The following EYS variants were observed in gnomAD, a reference collection of about 807,000 sequenced individuals.
EYS encodes EGF-like photoreceptor maintenance factor, also known as protein eyes shut homolog.
In EYS, 250 loss-of-function variants were observed where a neutral mutation model predicts 282.1. The ratio of observed to expected loss-of-function variants is 0.89; its 90% CI spans 0.80 to 0.98. The LOEUF is 0.98. Among genes scored for constraint, EYS ranks in the 50% least tolerant of loss-of-function variants. EYS has a pLI of 0.00. For synonymous variants in EYS, 1,355 were observed against 1,282.9 expected, an observed-to-expected ratio of 1.06 and a Z score of -1.20; for missense variants, 4,016 against 3,709.0, an observed-to-expected ratio of 1.08 and a Z score of -2.15.
At chr6:65,158,411 T>A (rs944641081) in intron 12 of EYS, among the ~76,000 whole-genome samples, 6 of 150,632 alleles carry the variant, frequency 4.0e-5, no homozygotes, top group African/African-American at 1.5e-4. Context: ...AGCTAAAGAG[T>A]TTTAAAATTA....
At chr6:64,045,381 A>C (rs1770569616) in intron 33 of EYS, among the ~76,000 whole-genome samples, 1 of 135,082 alleles carries the variant, frequency 7.4e-6, no homozygotes, top group Non-Finnish European at 1.7e-5. Flanking sequence ...TGGGTGAAAC[A>C]AGTTTATTTT....
At chr6:65,070,852 A>G (rs188545543) in intron 12 of EYS, among the ~76,000 whole-genome samples, 3 of 152,008 alleles carry the variant, frequency 2.0e-5, no homozygotes, top group African/African-American at 7.2e-5. Flanking sequence ...TTAATACTCT[A>G]TGCCCGGCAC....
At chr6:65,124,374 A>G (rs1775657612) in intron 12 of EYS, among the ~76,000 whole-genome samples, 1 of 152,126 alleles carries the variant, frequency 6.6e-6, no homozygotes, top group Admixed American at 6.5e-5. Flanking sequence ...CTGAAGCGAG[A>G]ATGTGATTTG....
intron 33 of EYS, among the ~76,000 whole-genome samples, chr6:64,023,629 C>T (rs1208940122): frequency 6.6e-6 from 1 of 152,208 alleles, no homozygotes; most frequent in African/African-American, 2.4e-5. Context: ...CAGTGTGCGC[C>T]CTCACTAGCT....
At chr6:64,203,922 C>T (rs1243769796) in intron 31 of EYS, among the ~76,000 whole-genome samples, 1 of 152,070 alleles carries the variant, frequency 6.6e-6, no homozygotes, top group East Asian at 1.9e-4. Flanking sequence ...TATATTGAAG[C>T]CATAGTGCCA....
chr6:63,925,674 C>T (rs1479447531), intron 35 of EYS, among the ~76,000 whole-genome samples: 4 of 152,178 alleles, frequency 2.6e-5, no homozygotes, highest in African/African-American at 9.6e-5. Flanking sequence ...GACAGAGTCT[C>T]GCTCTATAGC....
intron 1 of EYS, among the ~76,000 whole-genome samples, chr6:65,674,718 C>CA (rs1768515946): frequency 6.6e-6 from 1 of 151,774 alleles, no homozygotes; most frequent in Admixed American, 6.6e-5. Context: ...ACTTGCCTTA[C>CA]AAAAAATACT....
intron 19 of EYS, among the ~76,000 whole-genome samples, chr6:64,826,473 TC>T (rs1765059145): frequency 6.6e-6 from 1 of 151,664 alleles, no homozygotes; most frequent in Non-Finnish European, 1.5e-5. Flanking sequence ...TTTCCTATGA[TC>T]CCACTTATTT....
At chr6:64,510,823 A>C (rs1254781429) in intron 26 of EYS, among the ~76,000 whole-genome samples, 1 of 152,096 alleles carries the variant, frequency 6.6e-6, no homozygotes, top group African/African-American at 2.4e-5. Context: ...AGTAAAGATT[A>C]TCTCTAGAAT....
rs746939492 is a variant in EYS, at chr6:65,692,412, A to G, written c.-448+14723T>C. Among the ~76,000 whole-genome samples, 12 of 150,246 alleles carry G rather than the reference A, an allele frequency of 8.0e-5. 1 individual carries two copies. The highest frequency in any genetic ancestry group is 2.0e-4 in the Admixed American group (3 of 14,920). On this transcript the variant is annotated intron_variant, in intron 1 of 42. Transcript: ENST00000503581. ...TGCTCCCTAAAACTATAAAAATAAA[A>G]TTAAAAAGAAGCAGAATATGAAAAA...
In EYS at chr6:63,747,401, GC is replaced by G. The variant is rs539605186; in HGVS notation, c.8071+15059del. Among the ~76,000 whole-genome samples the G allele has an allele frequency of 1.8e-4, 27 of 152,332 alleles. No homozygotes were observed. The East Asian group carries it at 4.8e-3, about 27-fold the overall frequency. ...AATTTTAGAATAAATGCGATGTGGT[GC>G]TGAGAAGAATGTATATTCTGTTGAT... On this transcript the variant is annotated intron_variant, in intron 41 of 42. Coordinates refer to ENST00000503581, the MANE Select transcript of EYS (RefSeq NM_001142800.2).
intron 12 of EYS, among the ~76,000 whole-genome samples, chr6:65,141,163 C>CA (rs1418037835): frequency 4.6e-5 from 7 of 151,786 alleles, no homozygotes; most frequent in Non-Finnish European, 7.4e-5. Flanking sequence ...TATGCAGCCA[C>CA]AAAAAATGAT....
chr6:65,131,859 A>C (rs1320251434), intron 12 of EYS, among the ~76,000 whole-genome samples: 4 of 151,840 alleles, frequency 2.6e-5, no homozygotes, highest in Non-Finnish European at 5.9e-5. Flanking sequence ...GGTCCAAATA[A>C]ACACACTTAA....
rs534892169 is a variant in EYS at position 65,024,844 on chromosome 6, T to C, written c.2138-27141A>G. Among the ~76,000 whole-genome samples the C allele has an allele frequency of 2.0e-5, 3 of 152,316 alleles. No individual in the cohort carries two copies. In the East Asian group the frequency reaches 5.8e-4, roughly 29 times the overall value. ...TTAAATAACCGTGAAAAAGGTCAGCTATACCTCTAAGCTTTCACTGAGGAC... is the reference window on the plus strand; with the variant it reads ...TTAAATAACCGTGAAAAAGGTCAGCCATACCTCTAAGCTTTCACTGAGGAC... On this transcript the variant is annotated intron_variant, in intron 13 of 42. Coordinates refer to ENST00000503581, the MANE Select transcript of EYS (RefSeq NM_001142800.2).
intron 26 of EYS, among the ~76,000 whole-genome samples, chr6:64,480,011 C>T (rs1231118542): frequency 6.6e-6 from 1 of 151,868 alleles, no homozygotes; most frequent in African/African-American, 2.4e-5. Flanking sequence ...AAATCAGTCT[C>T]ATGAGTCCGT....
chr6:65,697,690 A>G (rs1769503554), intron 1 of EYS, among the ~76,000 whole-genome samples: 2 of 49,560 alleles, frequency 4.0e-5, no homozygotes, highest in South Asian at 1.0e-3. Context: ...AAAACAACTA[A>G]TCTAAATAGA....
intron 2 of EYS, among the ~76,000 whole-genome samples, chr6:65,600,900 T>C (rs568262442): frequency 5.9e-5 from 9 of 151,998 alleles, no homozygotes; most frequent in Non-Finnish European, 7.4e-5. Context: ...AAGCCGTCAG[T>C]ATATCTGTTT....
intron 30 of EYS, among the ~76,000 whole-genome samples, chr6:64,285,143 C>T (rs1028654175): frequency 3.6e-4 from 55 of 152,112 alleles, no homozygotes; most frequent in African/African-American, 1.3e-3. Context: ...CTCTGCTTCC[C>T]TTTTAAAACT....
At position 65,218,205 on chromosome 6, in the gene EYS, G is replaced by C. The variant is rs374054520; in HGVS notation, c.2023+77658C>G. Reference sequence around the variant, plus strand: ...GATAAATGAACATTAGATAGTATGGGGGATAGTTATAAAGCAGAAAGTGTT... The same window carrying C: ...GATAAATGAACATTAGATAGTATGGCGGATAGTTATAAAGCAGAAAGTGTT... On this transcript the variant is annotated intron_variant, in intron 12 of 42. Coordinates refer to ENST00000503581, the MANE Select transcript of EYS (RefSeq NM_001142800.2). 3.0e-3 allele frequency among the ~76,000 whole-genome samples: 450 copies of C among 152,104 alleles called. 3 individuals are homozygous for C. Among genetic ancestry groups the C allele is most frequent in the African/African-American group, 0.01 (426 of 41,512 alleles).
Sources: gnomAD v4.1 joint callset for allele counts (sites outside exome capture counted in the v4.1 genomes callset) on GRCh38, gnomAD v4.1.1 for gene constraint, MANE v1.5 for transcripts, NCBI Gene and HGNC (gene_info 2026-07-23, HGNC 2026-07-21) for gene names.